The following KIAA1217 variants were observed in gnomAD, a reference collection of about 807,000 sequenced individuals.
KIAA1217 encodes the protein KIAA1217.
A neutral mutation model predicts 163.9 loss-of-function variants in KIAA1217; 88 were observed. The observed-to-expected ratio is 0.54, with a 90% CI of 0.45 to 0.64. KIAA1217 has a LOEUF of 0.64. Among genes scored for constraint, KIAA1217 ranks in the 30% least tolerant of loss-of-function variants. KIAA1217 has a pLI of 0.00. For synonymous variants in KIAA1217, 903 were observed against 923.1 expected, an observed-to-expected ratio of 0.98 and a Z score of 0.39; for missense variants, 2,372 against 2,475.0, an observed-to-expected ratio of 0.96 and a Z score of 0.88.
chr10:24,311,896 A>G (rs2133050730), intron 2 of KIAA1217, among the ~76,000 whole-genome samples: 1 of 152,292 alleles, frequency 6.6e-6, no homozygotes, highest in South Asian at 2.1e-4. Context: ...AGCAGAACTG[A>G]GAGGGCAAGA....
intron 2 of KIAA1217, among the ~76,000 whole-genome samples, chr10:24,140,017 TC>T (rs199772896): frequency 0.014 from 2,070 of 149,962 alleles, 40 homozygotes; most frequent in African/African-American, 0.046. Flanking sequence ...TTTTTTTTTT[TC>T]CCCCTTATCA....
intron 1 of KIAA1217, among the ~76,000 whole-genome samples, chr10:23,906,027 C>A (rs1342185484): frequency 6.6e-6 from 1 of 152,172 alleles, no homozygotes; most frequent in East Asian, 1.9e-4. Context: ...TCCACAATGG[C>A]CATCTTGTTG....
chr10:24,316,913 G>A (rs2043452743), intron 2 of KIAA1217, among the ~76,000 whole-genome samples: 1 of 152,130 alleles, frequency 6.6e-6, no homozygotes, highest in Non-Finnish European at 1.5e-5. Context: ...CTGTTCAAAT[G>A]GTTCTGAGGA....
intron 2 of KIAA1217, among the ~76,000 whole-genome samples, chr10:24,299,065 T>G: frequency 6.6e-6 from 1 of 151,938 alleles, no homozygotes; most frequent in East Asian, 1.9e-4. Context: ...TAGCACAGAG[T>G]TGCAAAAAAT....
At chr10:23,778,574 C>G (rs1835109615) in intron 1 of KIAA1217, among the ~76,000 whole-genome samples, 1 of 152,170 alleles carries the variant, frequency 6.6e-6, no homozygotes, top group South Asian at 2.1e-4. Flanking sequence ...AGTGGGACAT[C>G]TTATGTGCTT....
rs142820878 is a variant in KIAA1217 at position 23,776,068 on chromosome 10, C to A, written c.-321+80834C>A. ...TTTCTTTTAAAATTATAGGGCAGGT[C>A]ATGTTCAGAAAAATAATCAAACATT... On this transcript the variant is annotated intron_variant, in intron 1 of 18. Coordinates refer to the KIAA1217 transcript ENST00000376462. Among the ~76,000 whole-genome samples the A allele has an allele frequency of 2.7e-3, 408 of 152,222 alleles. 2 individuals carry two copies. The highest frequency in any genetic ancestry group is 3.1e-3 in the Non-Finnish European group (210 of 68,010).
chr10:24,467,801 T>C (rs78028372), intron 5 of KIAA1217, among the ~76,000 whole-genome samples: 11,720 of 142,390 alleles, frequency 0.082, 634 homozygotes, highest in East Asian at 0.19. Flanking sequence ...TGTGTATGTG[T>C]ATGTGTGTGT....
At chr10:24,194,811 A>C (rs893984022) in intron 2 of KIAA1217, among the ~76,000 whole-genome samples, 4 of 121,504 alleles carry the variant, frequency 3.3e-5, no homozygotes, top group Non-Finnish European at 6.5e-5. Context: ...TCAGTATGTT[A>C]GTCAGGCTGG....
At chr10:24,432,206 C>T (rs1452559102) in intron 3 of KIAA1217, among the ~76,000 whole-genome samples, 1 of 150,742 alleles carries the variant, frequency 6.6e-6, no homozygotes, top group Non-Finnish European at 1.5e-5. Flanking sequence ...TCACTGCAAC[C>T]TCCCAGGTTC....
At position 24,474,065 on chromosome 10, in the gene KIAA1217, G is replaced by A; in HGVS notation, c.1679+5G>A. ...ACCCAAAGACAGAGAGACCAGGTAA[G>A]GTGCAGTGAGGGTGACCGAGGGTGG... On this transcript the variant is annotated splice_donor_5th_base_variant and intron_variant, in intron 6 of 20. Coordinates refer to ENST00000376454, the MANE Select transcript of KIAA1217 (RefSeq NM_019590.5). The A allele has an allele frequency of 1.9e-6, 3 of 1,585,884 alleles. No homozygotes were observed. The highest frequency in any genetic ancestry group is 2.3e-5 in the South Asian group (2 of 86,844).
chr10:24,307,547 G>A (rs2042138172), intron 2 of KIAA1217, among the ~76,000 whole-genome samples: 1 of 151,404 alleles, frequency 6.6e-6, no homozygotes, highest in Non-Finnish European at 1.5e-5. Context: ...AGGTCAAAGT[G>A]GAAGGATCAC....
chr10:24,174,483 G>T (rs1371624151), intron 2 of KIAA1217, among the ~76,000 whole-genome samples: 2 of 152,192 alleles, frequency 1.3e-5, no homozygotes, highest in African/African-American at 4.8e-5. Flanking sequence ...TATCACAGAA[G>T]AGGATTAACC....
chr10:24,201,064 C>T (rs915473520), intron 2 of KIAA1217, among the ~76,000 whole-genome samples: 2 of 151,936 alleles, frequency 1.3e-5, no homozygotes, highest in Non-Finnish European at 2.9e-5. Flanking sequence ...TGAGGTCAGG[C>T]GTTCGAGACC....
intron 1 of KIAA1217, among the ~76,000 whole-genome samples, chr10:23,837,103 C>A (rs1211670382): frequency 6.6e-6 from 1 of 152,136 alleles, no homozygotes; most frequent in African/African-American, 2.4e-5. Flanking sequence ...TAAGCGAGAA[C>A]ATGCCGTGTT....
chr10:23,716,661 A>G (rs11013650), intron 1 of KIAA1217, among the ~76,000 whole-genome samples: 27,828 of 152,108 alleles, frequency 0.18, 2,693 homozygotes, highest in Middle Eastern at 0.26. Context: ...GTGTGATTTT[A>G]TGATATAAAT....
intron 3 of KIAA1217, among the ~76,000 whole-genome samples, chr10:24,397,330 C>T (rs189584324): frequency 1.3e-5 from 2 of 152,242 alleles, no homozygotes; most frequent in East Asian, 3.9e-4. Context: ...CCTCGCGATC[C>T]ACCCGGCTTG....
intron 5 of KIAA1217, among the ~76,000 whole-genome samples, chr10:24,441,722 T>C (rs954008155): frequency 1.3e-4 from 20 of 152,158 alleles, no homozygotes; most frequent in Non-Finnish European, 2.1e-4. Flanking sequence ...TTACATCAGA[T>C]AGGAGCTTTG....
intron 2 of KIAA1217, among the ~76,000 whole-genome samples, chr10:24,263,172 G>A (rs571550974): frequency 3.3e-5 from 5 of 152,056 alleles, no homozygotes; most frequent in Non-Finnish European, 7.4e-5. Flanking sequence ...GGCTTCATGC[G>A]CATTTCTCTG....
chr10:23,733,807 C>A (rs1838627010), intron 1 of KIAA1217, among the ~76,000 whole-genome samples: 1 of 152,060 alleles, frequency 6.6e-6, no homozygotes. Flanking sequence ...TGTTAATTTG[C>A]AGTAACTTAC....
Sources: gnomAD v4.1 joint callset for allele counts (sites outside exome capture counted in the v4.1 genomes callset) on GRCh38, gnomAD v4.1.1 for gene constraint, MANE v1.5 for transcripts, NCBI Gene and HGNC (gene_info 2026-07-23, HGNC 2026-07-21) for gene names.